PRELID2: variants seen among roughly 807,000 people sequenced by gnomAD.
The protein encoded by PRELID2 is PRELI domain containing 2.
PRELID2 carries 25 observed loss-of-function variants against 28.4 expected under a neutral mutation model. The ratio of observed to expected loss-of-function variants is 0.88; its 90% CI spans 0.64 to 1.23. The LOEUF is 1.23. Among genes scored for constraint, PRELID2 ranks in the 50% most tolerant of loss-of-function variants. The probability of loss-of-function intolerance (pLI) is 0.00; values close to 1 mark genes in which losing one functional copy is unlikely to be tolerated. For synonymous variants in PRELID2, 76 were observed against 71.6 expected (o/e 1.06, Z -0.31); for missense variants, 201 against 214.4 (o/e 0.94, Z 0.39).
At chr5:145,568,547 T>TA (rs1177623755) in intron 1 of PRELID2, among the ~76,000 whole-genome samples, 1 of 152,256 alleles carries the variant, frequency 6.6e-6, no homozygotes, top group Non-Finnish European at 1.5e-5. Context: ...TATTATTTAC[T>TA]ATCTATAAGA....
the PRELID2 span, among the ~76,000 whole-genome samples, chr5:145,432,446 A>AAAG: frequency 1.3e-5 from 2 of 150,710 alleles, no homozygotes; most frequent in African/African-American, 4.9e-5. Context: ...AAAAAAAAAA[A>AAAG]GCAAAACCTA....
the PRELID2 span, among the ~76,000 whole-genome samples, chr5:145,381,196 G>A: frequency 1.3e-5 from 2 of 152,268 alleles, no homozygotes; most frequent in South Asian, 2.1e-4. Context: ...TCAGTTCCAT[G>A]TTTATGCATC....
intron 4 of PRELID2, among the ~76,000 whole-genome samples, chr5:145,798,880 G>A (rs1010942550): frequency 2.0e-5 from 3 of 152,200 alleles, no homozygotes; most frequent in Middle Eastern, 3.4e-3. Flanking sequence ...TCAGTGGGTG[G>A]GGGCCTAGGG....
chr5:145,821,888 G>C (rs1261034536), intron 2 of PRELID2, among the ~76,000 whole-genome samples: 1 of 152,190 alleles, frequency 6.6e-6, no homozygotes, highest in Non-Finnish European at 1.5e-5. Context: ...TGAAGAAACT[G>C]AGGCTCCAAA....
At chr5:145,396,049 T>C in the PRELID2 span, among the ~76,000 whole-genome samples, 3 of 152,260 alleles carry the variant, frequency 2.0e-5, no homozygotes, top group Middle Eastern at 3.4e-3. Flanking sequence ...GAAATGATTC[T>C]GGAAAACAGA....
the PRELID2 span, among the ~76,000 whole-genome samples, chr5:145,406,887 G>C: frequency 6.6e-6 from 1 of 152,252 alleles, no homozygotes; most frequent in Non-Finnish European, 1.5e-5. Flanking sequence ...AAATATAAAA[G>C]TAGAAAAAGC....
chr5:145,697,109 A>G (rs1755296699), intron 1 of PRELID2, among the ~76,000 whole-genome samples: 1 of 143,474 alleles, frequency 7.0e-6, no homozygotes, highest in African/African-American at 2.6e-5. Context: ...ATATGTATAT[A>G]TACCTGACAT....
At chr5:145,422,285 C>G in the PRELID2 span, among the ~76,000 whole-genome samples, 20 of 150,978 alleles carry the variant, frequency 1.3e-4, no homozygotes, top group Non-Finnish European at 2.7e-4. Context: ...TCCTGGGTAT[C>G]CTTCTTGACT....
chr5:145,576,760 T>C (rs1753064396), intron 1 of PRELID2, among the ~76,000 whole-genome samples: 1 of 152,108 alleles, frequency 6.6e-6, no homozygotes, highest in African/African-American at 2.4e-5. Context: ...TATAGTAGGA[T>C]AATTCTAGTT....
chr5:145,498,647 G>A (rs1195968068), intron 1 of PRELID2, among the ~76,000 whole-genome samples: 1 of 152,152 alleles, frequency 6.6e-6, no homozygotes, highest in Non-Finnish European at 1.5e-5. Flanking sequence ...TCCTGCCTCA[G>A]CCTCCTGAGT....
Position 145,716,165 on chromosome 5 carries a change from C to T in PRELID2, n.70+48766G>A, listed in dbSNP as rs116047956. 3.1e-3 allele frequency among the ~76,000 whole-genome samples: 473 copies of T among 152,164 alleles called. 4 individuals carry two copies. The highest frequency in any genetic ancestry group is 6.8e-3 in the Middle Eastern group (2 of 294). ...CCAGAGAAGCCAAAAGATTGGACAC[C>T]CCTGGTCTAAGTCTTCTGTTAGAAT... On this transcript the variant is annotated intron_variant and non_coding_transcript_variant, in intron 1 of 2. Transcript: ENST00000510259.
chr5:145,347,457 C>A, the PRELID2 span, among the ~76,000 whole-genome samples: 6 of 152,176 alleles, frequency 3.9e-5, no homozygotes, highest in African/African-American at 1.4e-4. Context: ...GCTGTTTCCT[C>A]AAAAATAGGG....
intron 1 of PRELID2, among the ~76,000 whole-genome samples, chr5:145,687,494 A>G (rs527743452): frequency 6.6e-6 from 1 of 152,328 alleles, no homozygotes; most frequent in African/African-American, 2.4e-5. Context: ...GACCACTAAA[A>G]TGCAACATGT....
intron 1 of PRELID2, among the ~76,000 whole-genome samples, chr5:145,474,403 T>C (rs986564190): frequency 6.6e-6 from 1 of 152,194 alleles, no homozygotes; most frequent in Non-Finnish European, 1.5e-5. Context: ...AATCTTCTTT[T>C]CCATGGAAAT....
chr5:145,787,376 C>T (rs1561607546), intron 5 of PRELID2, among the ~76,000 whole-genome samples: 1 of 151,982 alleles, frequency 6.6e-6, no homozygotes, highest in African/African-American at 2.4e-5. Context: ...TTTTGCTTTG[C>T]GTTTGGAAAT....
intron 1 of PRELID2, among the ~76,000 whole-genome samples, chr5:145,532,649 A>G (rs1752664181): frequency 6.6e-6 from 1 of 152,044 alleles, no homozygotes; most frequent in South Asian, 2.1e-4. Context: ...GGTAACCACT[A>G]TTCTACTCTC....
At chr5:145,444,593 C>T in the PRELID2 span, among the ~76,000 whole-genome samples, 1 of 152,070 alleles carries the variant, frequency 6.6e-6, no homozygotes, top group East Asian at 1.9e-4. Context: ...GACTCGTGAA[C>T]CTGCTGGTTC....
the PRELID2 span, among the ~76,000 whole-genome samples, chr5:145,422,832 G>T: frequency 1.1e-4 from 17 of 151,890 alleles, no homozygotes; most frequent in African/African-American, 4.1e-4. Context: ...TCCTAGTCTC[G>T]ATGGTCTTTA....
At chr5:145,388,578 T>C in the PRELID2 span, among the ~76,000 whole-genome samples, 1 of 152,210 alleles carries the variant, frequency 6.6e-6, no homozygotes, top group African/African-American at 2.4e-5. Flanking sequence ...GTGTGCACCA[T>C]ACACAATTGG....
Sources: gnomAD v4.1 joint callset for allele counts (sites outside exome capture counted in the v4.1 genomes callset) on GRCh38, gnomAD v4.1.1 for gene constraint, MANE v1.5 for transcripts, NCBI Gene and HGNC (gene_info 2026-07-23, HGNC 2026-07-21) for gene names.